The following PCDH7 variants were observed in gnomAD, a reference collection of about 807,000 sequenced individuals.
The protein encoded by PCDH7 is protocadherin 7, also known as protocadherin-7.
Under a neutral mutation model 58.9 loss-of-function variants are expected in PCDH7, and 17 were observed. The observed-to-expected ratio is 0.29, with a 90% CI of 0.20 to 0.43. The LOEUF is 0.43. Ranked by LOEUF, PCDH7 falls within the 20% of genes least tolerant of loss-of-function variation. PCDH7 has a pLI of 1.00. For synonymous variants in PCDH7, 664 were observed against 616.4 expected, an observed-to-expected ratio of 1.08 and a Z score of -1.14; for missense variants, 1,274 against 1,441.0, an observed-to-expected ratio of 0.88 and a Z score of 1.88.
Position 30,723,583 on chromosome 4 carries a change from C to T in PCDH7, c.2161C>T (p.Pro721Ser), listed in dbSNP as rs1187925124. 1.2e-6 allele frequency: 2 copies of T among 1,613,966 alleles called. No individual in the cohort carries two copies. The highest frequency in any genetic ancestry group is 1.3e-5 in the African/African-American group (1 of 74,914). The change falls in exon 1 of 2, where the codon CCC (proline) becomes TCC (serine). Residue 721 changes from proline to serine, a missense_variant. By Grantham distance (74) the Pro-to-Ser change is moderately conservative. Transcript: ENST00000361762. The surrounding 1 kb of genome is among the most constrained non-coding windows in gnomAD (Gnocchi z 4.6). ...CAAGGCTGTGGATGGGGGAGATCCT[C>T]CCAGATCTGCCACAGCTACAGTCTC... is the stretch of plus-strand genomic sequence containing the variant.
At chr4:31,108,369 TAAAAAAAAAAAAAAAAAAAAAA>T (rs71190491) in intron 3 of PCDH7, among the ~76,000 whole-genome samples, 8,536 of 60,302 alleles carry the variant, frequency 0.14, 564 homozygotes, top group African/African-American at 0.23. Flanking sequence ...CAGCATACAG[TAAAAAAAAAAAAAAAAAAAAAA>T]AAAAAAAAAA....
intron 1 of PCDH7, among the ~76,000 whole-genome samples, chr4:30,919,025 A>G (rs1358099989): frequency 6.6e-6 from 1 of 152,118 alleles, no homozygotes; most frequent in African/African-American, 2.4e-5. Context: ...CAAGTTATAA[A>G]GGTGCAAAAA....
At chr4:31,107,776 A>G (rs968169474) in intron 3 of PCDH7, among the ~76,000 whole-genome samples, 2 of 152,168 alleles carry the variant, frequency 1.3e-5, no homozygotes, top group African/African-American at 4.8e-5. Flanking sequence ...AAGTCAGTCA[A>G]ACTAGACTTT....
At chr4:30,743,122 G>C (rs528972454) in intron 1 of PCDH7, among the ~76,000 whole-genome samples, 1 of 151,766 alleles carries the variant, frequency 6.6e-6, no homozygotes, top group Admixed American at 6.6e-5. Context: ...GGAAGATGGT[G>C]GGAAATATAA....
Position 31,067,558 on chromosome 4 carries a change from AG to A in PCDH7, c.*8-74913del, listed in dbSNP as rs1169356310. Among the ~76,000 whole-genome samples the A allele has an allele frequency of 4.6e-4, 70 of 152,050 alleles. 1 individual carries two copies. The highest frequency in any genetic ancestry group is 1.6e-3 in the African/African-American group (68 of 41,512). ...TAGCATAGTGTCAGTAGGTATTAGC[AG>A]GAGGAACACAAGGAGAAATAGAGAA... On this transcript the variant is annotated intron_variant, in intron 3 of 3. Transcript: ENST00000509759.
intron 1 of PCDH7, among the ~76,000 whole-genome samples, chr4:30,849,930 G>C (rs1732492225): frequency 6.6e-6 from 1 of 152,054 alleles, no homozygotes; most frequent in Non-Finnish European, 1.5e-5. Flanking sequence ...ATGAAATTCT[G>C]TCAGGACCCC....
intron 1 of PCDH7, among the ~76,000 whole-genome samples, chr4:30,868,570 T>G (rs1418635845): frequency 6.6e-6 from 1 of 152,104 alleles, no homozygotes; most frequent in African/African-American, 2.4e-5. Flanking sequence ...TTTTTCTTTT[T>G]TTTCTACTTT....
intron 1 of PCDH7, among the ~76,000 whole-genome samples, chr4:30,848,370 T>C (rs895542873): frequency 2.6e-5 from 4 of 152,146 alleles, no homozygotes; most frequent in Non-Finnish European, 5.9e-5. Context: ...TCTGCAAAAT[T>C]ATAATTTTAA....
intron 1 of PCDH7, among the ~76,000 whole-genome samples, chr4:30,854,203 C>T (rs767490997): frequency 1.3e-5 from 2 of 151,048 alleles, no homozygotes; most frequent in African/African-American, 4.9e-5. Flanking sequence ...ATCACAGCCT[C>T]TCAACCTTGG....
intron 1 of PCDH7, among the ~76,000 whole-genome samples, chr4:30,797,556 G>A (rs1183121793): frequency 6.6e-6 from 1 of 152,102 alleles, no homozygotes; most frequent in African/African-American, 2.4e-5. Flanking sequence ...TGACAGGCTT[G>A]AGCCACCGTG....
intron 1 of PCDH7, chr4:30,786,792 T>C: frequency 2.1e-6 from 2 of 972,734 alleles, no homozygotes; most frequent in Non-Finnish European, 2.4e-6. Flanking sequence ...TGAATGTATG[T>C]GCTCGTAAGT....
intron 2 of PCDH7, chr4:30,935,264 C>A: frequency 1.1e-5 from 8 of 737,170 alleles, no homozygotes; most frequent in Non-Finnish European, 1.3e-5. Flanking sequence ...ATCAGACTTG[C>A]AATGTTCATA....
intron 3 of PCDH7, among the ~76,000 whole-genome samples, chr4:30,998,426 T>C (rs1460174898): frequency 6.6e-6 from 1 of 152,170 alleles, no homozygotes; most frequent in Non-Finnish European, 1.5e-5. Context: ...GGTGTTTTTT[T>C]GTAGTTGTCT....
At chr4:31,095,500 T>C (rs1713846283) in intron 3 of PCDH7, among the ~76,000 whole-genome samples, 1 of 152,178 alleles carries the variant, frequency 6.6e-6, no homozygotes, top group Admixed American at 6.5e-5. Context: ...CAAAATAACT[T>C]CTGTTAGGGT....
chr4:30,795,067 G>A (rs891384519), intron 1 of PCDH7, among the ~76,000 whole-genome samples: 4 of 151,984 alleles, frequency 2.6e-5, no homozygotes, highest in African/African-American at 7.3e-5. Context: ...TAAATTAAAA[G>A]GCGAATTATT....
intron 3 of PCDH7, among the ~76,000 whole-genome samples, chr4:30,951,282 A>G (rs1157667629): frequency 1.3e-5 from 2 of 152,180 alleles, no homozygotes; most frequent in African/African-American, 4.8e-5. Context: ...AAAAGATCAT[A>G]TTCCATTTTT....
At chr4:30,784,267 A>C (rs1230662843) in intron 1 of PCDH7, among the ~76,000 whole-genome samples, 1 of 152,194 alleles carries the variant, frequency 6.6e-6, no homozygotes, top group Admixed American at 6.6e-5. Flanking sequence ...TCAATAAGTG[A>C]TTCAAGATAG....
chr4:30,976,538 T>A (rs184336758), intron 3 of PCDH7, among the ~76,000 whole-genome samples: 2,017 of 150,712 alleles, frequency 0.013, 47 homozygotes, highest in African/African-American at 0.047. Flanking sequence ...GTAACTGGGA[T>A]TACAGGCGCC....
chr4:31,019,453 C>T (rs1753856508), intron 3 of PCDH7, among the ~76,000 whole-genome samples: 1 of 152,082 alleles, frequency 6.6e-6, no homozygotes, highest in South Asian at 2.1e-4. Context: ...CCTATAATCT[C>T]AGCACTTTGG....
Sources: gnomAD v4.1 joint callset for allele counts (sites outside exome capture counted in the v4.1 genomes callset) on GRCh38, gnomAD v4.1.1 for gene constraint, Gnocchi (gnomAD v3.1) non-coding constraint, MANE v1.5 for transcripts, NCBI Gene and HGNC (gene_info 2026-07-23, HGNC 2026-07-21) for gene names.